TRPM4: variants seen among roughly 807,000 people sequenced by gnomAD.
TRPM4 encodes the protein transient receptor potential cation channel subfamily M member 4.
In TRPM4, 124 loss-of-function variants were observed where a neutral mutation model predicts 135.6. The ratio of observed to expected loss-of-function variants is 0.91; its 90% CI spans 0.79 to 1.06. The LOEUF is 1.06. TRPM4 is among the 50% of genes least tolerant of loss of function. The pLI is 0.00. For missense variants in TRPM4, 1,658 were observed against 1,671.4 expected (o/e 0.99, Z 0.14); for synonymous variants, 745 against 705.6 (o/e 1.06, Z -0.88).
Position 49,182,932 on chromosome 19 carries a change from G to A in TRPM4, c.1608+10G>A, listed in dbSNP as rs1362028143. On this transcript the variant is annotated intron_variant, in intron 11 of 24. Transcript: ENST00000252826. Reference sequence around the variant, plus strand: ...GGGCTTCGGGGAGAGCGTAAGGACCGGGCAAAGCTGGGGGGCCCCCCCGCG... The same window carrying A: ...GGGCTTCGGGGAGAGCGTAAGGACCAGGCAAAGCTGGGGGGCCCCCCCGCG... 3.2e-6 allele frequency: 5 copies of A among 1,584,016 alleles called. No homozygotes were observed. The highest frequency in any genetic ancestry group is 1.7e-5 in the Admixed American group (1 of 57,946).
At position 49,190,685 on chromosome 19, in the gene TRPM4, C is replaced by T; in HGVS notation, c.2133-11C>T. ...CCCTCATTTCTTGCTCTGTGCTTCC[C>T]CCCTTGCTAGGAAATCAGAAGAGGA... On this transcript the variant is annotated splice_polypyrimidine_tract_variant and intron_variant, in intron 15 of 24. Coordinates refer to ENST00000252826, the MANE Select transcript of TRPM4 (RefSeq NM_017636.4). The T allele has an allele frequency of 1.2e-6, 2 of 1,614,008 alleles. No individual in the cohort carries two copies. Among genetic ancestry groups the T allele is most frequent in the South Asian group, 2.2e-5 (2 of 91,080 alleles).
intron 16 of TRPM4, among the ~76,000 whole-genome samples, chr19:49,192,270 G>C (rs928092489): frequency 6.6e-6 from 1 of 152,122 alleles, no homozygotes; most frequent in African/African-American, 2.4e-5. Flanking sequence ...AGCCTCTCAA[G>C]TAGCTGGGAT....
chr19:49,197,634 A>G (rs1968746463), intron 17 of TRPM4, among the ~76,000 whole-genome samples: 1 of 151,050 alleles, frequency 6.6e-6, no homozygotes, highest in Non-Finnish European at 1.5e-5. Context: ...GTTTGTGGAT[A>G]CAACCTGGTG....
rs376808923 is a variant in TRPM4, at chr19:49,166,113, A to G, written c.165A>G (p.Ala55=). 1.8e-4 allele frequency: 285 copies of G among 1,603,606 alleles called. No homozygotes were observed. Among genetic ancestry groups the G allele is most frequent in the Non-Finnish European group, 2.4e-4 (277 of 1,176,318 alleles). The change falls in exon 3 of 25, where the codon GCA becomes GCG. Residue 55 remains alanine (A), a synonymous_variant. Transcript: ENST00000252826. ...PAVAMEDAFG[A]AVVTVWDSDA... ...TGGCCATGGAGGATGCCTTCGGGGC[A>G]GCCGTGGTGACCGTGTGGGACAGCG...
Position 49,210,289 on chromosome 19 carries a change from C to T in TRPM4, c.3212C>T (p.Ser1071Phe). The change falls in exon 21 of 25, where the codon TCT becomes TTT. Residue 1071 changes from serine to phenylalanine, a missense_variant. Coordinates refer to ENST00000252826, the MANE Select transcript of TRPM4 (RefSeq NM_017636.4). The surrounding 1 kb of genome is among the most constrained non-coding windows in gnomAD (Gnocchi z 4.1). ...QRYRLIREFH[S>F]RPALAPPFIV... ...TACCGCCTCATCCGGGAATTCCACT[C>T]TCGGCCCGCGCTGGCCCCGCCCTTT... 1.2e-6 allele frequency: 2 copies of T among 1,614,254 alleles called. No homozygotes were observed. Among genetic ancestry groups the T allele is most frequent in the Non-Finnish European group, 1.7e-6 (2 of 1,180,056 alleles).
chr19:49,166,250 C>G, intron 3 of TRPM4, 35 bp downstream of exon 3: 1 of 1,557,236 alleles, frequency 6.4e-7, no homozygotes, highest in Non-Finnish European at 8.7e-7. Context: ...GCCCGGGCAC[C>G]AGGGGGCTGC....
intron 9 of TRPM4, among the ~76,000 whole-genome samples, chr19:49,177,254 G>A (rs1416178597): frequency 1.3e-5 from 2 of 151,962 alleles, no homozygotes; most frequent in Non-Finnish European, 2.9e-5. Context: ...AACTGGAGAT[G>A]GCTGATAGGC....
chr19:49,161,704 A>G (rs1406821859), intron 2 of TRPM4, among the ~76,000 whole-genome samples: 1 of 150,232 alleles, frequency 6.7e-6, no homozygotes, highest in East Asian at 1.9e-4. Context: ...ATCTCGGCTC[A>G]CTTCAACCTC....
At chr19:49,197,341 T>C (rs1600504153) in intron 17 of TRPM4, among the ~76,000 whole-genome samples, 1 of 128,886 alleles carries the variant, frequency 7.8e-6, no homozygotes, top group African/African-American at 4.2e-5. Flanking sequence ...TCTTTCTTTC[T>C]TTCTTTCTTT....
chr19:49,200,591 T>C lies in TRPM4; in HGVS notation c.2779-20T>C. Reference sequence around the variant, plus strand: ...AGAGTAGGAAAGGGCGGGGCCAGACTCAGCCACATCTCCCCACAGATGAAG... The same window carrying C: ...AGAGTAGGAAAGGGCGGGGCCAGACCCAGCCACATCTCCCCACAGATGAAG... On this transcript the variant is annotated intron_variant, in intron 18 of 24. Coordinates refer to ENST00000252826, the MANE Select transcript of TRPM4 (RefSeq NM_017636.4). The C allele has an allele frequency of 1.9e-6, 3 of 1,610,578 alleles. No individual in the cohort carries two copies. The highest frequency in any genetic ancestry group is 2.5e-6 in the Non-Finnish European group (3 of 1,179,968).
At chr19:49,161,760 G>C (rs527861609) in intron 2 of TRPM4, among the ~76,000 whole-genome samples, 4 of 152,156 alleles carry the variant, frequency 2.6e-5, no homozygotes, top group East Asian at 3.9e-4. Flanking sequence ...CCCCCGAGTA[G>C]CTGGGATTAC....
chr19:49,176,910 A>G (rs1967717101), intron 9 of TRPM4, among the ~76,000 whole-genome samples: 1 of 152,096 alleles, frequency 6.6e-6, no homozygotes, highest in Non-Finnish European at 1.5e-5. Flanking sequence ...TGTGGTCTTG[A>G]GGAAGCAGCT....
At position 49,179,494 on chromosome 19, in the gene TRPM4, C is replaced by T. The variant is rs745597261; in HGVS notation, c.1151-1855C>T. Among the ~76,000 whole-genome samples the T allele has an allele frequency of 2.7e-4, 41 of 152,034 alleles. 1 individual carries two copies. Among genetic ancestry groups the T allele is most frequent in the African/African-American group, 8.2e-4 (34 of 41,458 alleles). On this transcript the variant is annotated intron_variant, in intron 9 of 24. Coordinates refer to ENST00000252826, the MANE Select transcript of TRPM4 (RefSeq NM_017636.4). ...CCTCCCAAGTAGCTGGGACTACAGACGCATGCCACCATGCCCAGCTAATTT... is the reference window on the plus strand; with the variant it reads ...CCTCCCAAGTAGCTGGGACTACAGATGCATGCCACCATGCCCAGCTAATTT...
At chr19:49,184,553 T>G (rs1330815482) in intron 12 of TRPM4, among the ~76,000 whole-genome samples, 2 of 143,250 alleles carry the variant, frequency 1.4e-5, no homozygotes, top group African/African-American at 5.2e-5. Context: ...CTCTGCCTCC[T>G]GGGTTCACGC....
Position 49,210,839 on chromosome 19 carries a change from A to T in TRPM4, c.3458A>T (p.Gln1153Leu). The change falls in exon 22 of 25, where the codon CAG becomes CTG. Residue 1153 changes from glutamine to leucine, a missense_variant. Coordinates refer to ENST00000252826, the MANE Select transcript of TRPM4 (RefSeq NM_017636.4). This position sits in a 1 kb window ranked among gnomAD's most constrained non-coding sequence, Gnocchi z 4.1. ...SDSERLKRTSQKVDLALKQLG... is the reference protein window; with the variant it reads ...SDSERLKRTSLKVDLALKQLG... ...TCCGAGCGTCTGAAGCGCACGTCCCAGAAGTGAGAGCGGGGCCTGGTCGGG... is the reference window on the plus strand; with the variant it reads ...TCCGAGCGTCTGAAGCGCACGTCCCTGAAGTGAGAGCGGGGCCTGGTCGGG... The T allele has an allele frequency of 6.2e-7, 1 of 1,610,402 alleles. No homozygotes were observed. The highest frequency in any genetic ancestry group is 1.1e-5 in the South Asian group (1 of 90,420).
chr19:49,169,001 G>T (rs2122813579), intron 6 of TRPM4, among the ~76,000 whole-genome samples: 1 of 151,120 alleles, frequency 6.6e-6, no homozygotes, highest in East Asian at 2.0e-4. Flanking sequence ...GCAAGACCTT[G>T]TCTCTACCAA....
In TRPM4 at chr19:49,168,015, G is replaced by C; in HGVS notation, c.366G>C (p.Leu122=). The change falls in exon 4 of 25, where the codon CTG becomes CTC. Residue 122 remains leucine, a synonymous_variant. Transcript: ENST00000252826. The part of the protein sequence containing the change: ...FRAPNLVVSV[L]GGSGGPVLQT... Reference sequence around the variant, plus strand: ...CCCCGAACCTGGTGGTGTCAGTGCTGGGGGGATCGGGGGGCCCCGTCCTCC... The same window carrying C: ...CCCCGAACCTGGTGGTGTCAGTGCTCGGGGGATCGGGGGGCCCCGTCCTCC... 6.2e-7 allele frequency: 1 copy of C among 1,613,090 alleles called. No individual in the cohort carries two copies. The highest frequency in any genetic ancestry group is 1.7e-4 in the Middle Eastern group (1 of 6,058).
At position 49,211,678 on chromosome 19, in the gene TRPM4, G is replaced by A. The variant is rs1969376567; in HGVS notation, c.*180G>A. The A allele has an allele frequency of 1.2e-5, 10 of 800,764 alleles. No individual in the cohort carries two copies. Among genetic ancestry groups the A allele is most frequent in the South Asian group, 8.8e-5 (6 of 67,962 alleles). 49.6% of individuals were successfully genotyped at this position (800,764 alleles called of 1,614,324 possible). A position where few individuals can be genotyped will look rare whatever the true frequency, so the allele number is the denominator to read the frequency against. Reference sequence around the variant, plus strand: ...CATCCTTACAAACCACAGCATGCCCGGCTCCTCCCAGAACCAGTCCCAGCC... The same window carrying A: ...CATCCTTACAAACCACAGCATGCCCAGCTCCTCCCAGAACCAGTCCCAGCC... On this transcript the variant is annotated 3_prime_UTR_variant, in exon 25 of 25. Coordinates refer to ENST00000252826, the MANE Select transcript of TRPM4 (RefSeq NM_017636.4). The surrounding 1 kb of genome is among the most constrained non-coding windows in gnomAD (Gnocchi z 4.8).
In TRPM4 at chr19:49,202,060, A is replaced by C; in HGVS notation, c.3050A>C (p.Asn1017Thr). 6.2e-7 allele frequency: 1 copy of C among 1,614,044 alleles called. No individual in the cohort carries two copies. The highest frequency in any genetic ancestry group is 8.5e-7 in the Non-Finnish European group (1 of 1,180,026). ...GGCACCTGCGTCTCCCAGTATGCCA[A>C]CTGGCTGGTGGTGCTGCTCCTCGTC... ...QAGTCVSQYA[N>T]WLVVLLLVIF... The change falls in exon 20 of 25, where the codon AAC (asparagine) becomes ACC (threonine). Residue 1017 changes from asparagine (N) to threonine (T), a missense_variant. Transcript: ENST00000252826.
Sources: gnomAD v4.1 joint callset for allele counts (sites outside exome capture counted in the v4.1 genomes callset) on GRCh38, gnomAD v4.1.1 for gene constraint, Gnocchi (gnomAD v3.1) non-coding constraint, MANE v1.5 for transcripts, NCBI Gene and HGNC (gene_info 2026-07-23, HGNC 2026-07-21) for gene names.